SHISA9: variants seen among roughly 807,000 people sequenced by gnomAD.
SHISA9 encodes protein shisa-9.
A neutral mutation model predicts 38.0 loss-of-function variants in SHISA9; 13 were observed. That is an observed-to-expected ratio of 0.34 (90% CI 0.22 to 0.54). The LOEUF is 0.54. Ranked by LOEUF, SHISA9 falls within the 20% of genes least tolerant of loss-of-function variation. SHISA9 has a pLI of 0.91. For synonymous variants in SHISA9, 275 were observed against 242.0 expected (o/e 1.14, Z -1.27); for missense variants, 538 against 575.8 (o/e 0.93, Z 0.67).
chr16:13,333,851 A>C, the SHISA9 span, among the ~76,000 whole-genome samples: 1 of 152,196 alleles, frequency 6.6e-6, no homozygotes, highest in African/African-American at 2.4e-5. Context: ...TTTCTGCTTT[A>C]TGCTTTCTCA....
At chr16:13,173,525 T>C (rs1270453935) in intron 2 of SHISA9, among the ~76,000 whole-genome samples, 4 of 151,988 alleles carry the variant, frequency 2.6e-5, no homozygotes, top group African/African-American at 9.7e-5. Context: ...GACCTAACAA[T>C]CTAGATCAGC....
At chr16:13,253,738 G>A in the SHISA9 span, among the ~76,000 whole-genome samples, 7,062 of 152,032 alleles carry the variant, frequency 0.046, 265 homozygotes, top group East Asian at 0.19. Context: ...ATTTGGGTGG[G>A]GACACAGCCA....
At chr16:13,026,494 C>T (rs947955960) in intron 2 of SHISA9, among the ~76,000 whole-genome samples, 1 of 152,166 alleles carries the variant, frequency 6.6e-6, no homozygotes, top group Non-Finnish European at 1.5e-5. Flanking sequence ...ATGTCTGTGT[C>T]GTTTCTGTAT....
chr16:12,955,536 A>G (rs2071819046), intron 2 of SHISA9, among the ~76,000 whole-genome samples: 2 of 151,836 alleles, frequency 1.3e-5, no homozygotes, highest in Admixed American at 1.3e-4. Flanking sequence ...AAATGTGAGC[A>G]TGGTACTGGT....
chr16:13,364,904 G>A, the SHISA9 span, among the ~76,000 whole-genome samples: 11,770 of 152,186 alleles, frequency 0.077, 648 homozygotes, highest in East Asian at 0.2. Context: ...TGAACAATTA[G>A]GGATGAGGAA....
the SHISA9 span, among the ~76,000 whole-genome samples, chr16:13,403,842 G>A: frequency 2.3e-4 from 35 of 152,226 alleles, no homozygotes; most frequent in African/African-American, 8.4e-4. Context: ...TGGATTCTTG[G>A]GCAAGTCACT....
intron 2 of SHISA9, among the ~76,000 whole-genome samples, chr16:13,190,167 T>G (rs1188683988): frequency 6.6e-6 from 1 of 151,676 alleles, no homozygotes; most frequent in Non-Finnish European, 1.5e-5. Flanking sequence ...GCCATGCTGG[T>G]GCGCTGCACC....
the SHISA9 span, among the ~76,000 whole-genome samples, chr16:13,343,179 C>A: frequency 6.6e-6 from 1 of 152,148 alleles, no homozygotes; most frequent in South Asian, 2.1e-4. Flanking sequence ...AATAGAGAAA[C>A]TGGAAAACTT....
downstream of SHISA9, among the ~76,000 whole-genome samples, chr16:13,243,963 G>C (rs946584793): frequency 3.3e-5 from 5 of 151,970 alleles, no homozygotes; most frequent in African/African-American, 1.2e-4. Context: ...AGTAGAGATG[G>C]GGTTTCACCA....
intron 2 of SHISA9, among the ~76,000 whole-genome samples, chr16:13,014,819 A>G (rs1021484531): frequency 6.6e-6 from 1 of 152,232 alleles, no homozygotes; most frequent in Non-Finnish European, 1.5e-5. Flanking sequence ...TGTTTGAAAT[A>G]TTATGAACTC....
the SHISA9 span, among the ~76,000 whole-genome samples, chr16:13,311,346 A>G: frequency 6.6e-6 from 1 of 152,140 alleles, no homozygotes; most frequent in Non-Finnish European, 1.5e-5. Context: ...AACTGGGTGT[A>G]TTTACACTAA....
chr16:13,246,849 T>G, the SHISA9 span, among the ~76,000 whole-genome samples: 10 of 151,976 alleles, frequency 6.6e-5, no homozygotes, highest in African/African-American at 2.2e-4. Context: ...ATCTGACTAT[T>G]TAAAAAAAAA....
the SHISA9 span, among the ~76,000 whole-genome samples, chr16:13,337,561 A>G: frequency 5.3e-5 from 8 of 152,158 alleles, no homozygotes; most frequent in Admixed American, 6.5e-5. Flanking sequence ...ATTGCCAGAT[A>G]ATGGGCTTTT....
chr16:13,420,106 TGTG>T, the SHISA9 span, among the ~76,000 whole-genome samples: 1 of 151,666 alleles, frequency 6.6e-6, no homozygotes, highest in African/African-American at 2.4e-5. Context: ...ATTAGCCAGG[TGTG>T]GTGGTGGGCA....
At chr16:13,414,062 T>A in the SHISA9 span, among the ~76,000 whole-genome samples, 38 of 152,328 alleles carry the variant, frequency 2.5e-4, no homozygotes, top group African/African-American at 8.4e-4. Flanking sequence ...TGTTAAGTCC[T>A]TCTGATGGTC....
At chr16:13,167,925 A>T (rs567158504) in intron 2 of SHISA9, among the ~76,000 whole-genome samples, 1 of 152,218 alleles carries the variant, frequency 6.6e-6, no homozygotes, top group African/African-American at 2.4e-5. Flanking sequence ...GTGTTGTTCT[A>T]TGTGTTTCAA....
At chr16:13,145,239 T>C (rs2050436845) in intron 2 of SHISA9, among the ~76,000 whole-genome samples, 1 of 152,084 alleles carries the variant, frequency 6.6e-6, no homozygotes, top group Non-Finnish European at 1.5e-5. Flanking sequence ...TTAGTAGTTA[T>C]GTGAGTTGGG....
the SHISA9 span, among the ~76,000 whole-genome samples, chr16:13,290,320 G>T: frequency 6.6e-6 from 1 of 152,116 alleles, no homozygotes; most frequent in South Asian, 2.1e-4. Flanking sequence ...GATGCAAACA[G>T]AGTCACACTT....
intron 2 of SHISA9, among the ~76,000 whole-genome samples, chr16:13,007,726 G>C (rs1388775577): frequency 6.6e-6 from 1 of 152,152 alleles, no homozygotes; most frequent in Non-Finnish European, 1.5e-5. Context: ...GCCTATGTCA[G>C]CCTGAAACCC....
Sources: allele counts gnomAD v4.1 joint callset (sites outside exome capture counted in the v4.1 genomes callset), GRCh38; gene constraint gnomAD v4.1.1; transcripts MANE v1.5; gene names NCBI Gene and HGNC (gene_info 2026-07-23, HGNC 2026-07-21).